Variants in AMPD1 observed in about 807,000 individuals in gnomAD.
The protein encoded by AMPD1 is adenosine monophosphate deaminase 1.
A neutral mutation model predicts 82.9 loss-of-function variants in AMPD1; 74 were observed. The ratio of observed to expected loss-of-function variants is 0.89; its 90% CI spans 0.74 to 1.08. The LOEUF is 1.08. AMPD1 is among the 50% of genes least tolerant of loss of function. The probability of loss-of-function intolerance (pLI) is 0.00; values close to 1 mark genes in which losing one functional copy is unlikely to be tolerated. For missense variants in AMPD1, 881 were observed against 924.5 expected (o/e 0.95, Z 0.61); for synonymous variants, 333 against 320.5 (o/e 1.04, Z -0.42).
intron 2 of AMPD1, 51 bp from the exon 3 acceptor site, chr1:114,688,792 C>T (rs2101724291): frequency 4.4e-6 from 7 of 1,598,206 alleles, no homozygotes; most frequent in Non-Finnish European, 6.0e-6. Flanking sequence ...CAAAAGTCAG[C>T]TGAGAGTTTC....
At chr1:114,695,302 A>G in intron 1 of AMPD1, 148 bp downstream of exon 1, 2 of 1,246,454 alleles carry the variant, frequency 1.6e-6, no homozygotes, top group South Asian at 2.7e-5. Context: ...CCTTGAAAAT[A>G]TTTTGTGTTT....
At chr1:114,687,280 G>C (rs1041852195) in intron 3 of AMPD1, among the ~76,000 whole-genome samples, 1 of 152,134 alleles carries the variant, frequency 6.6e-6, no homozygotes, top group East Asian at 1.9e-4. Flanking sequence ...ATGGATAAAG[G>C]AGCTCCCATC....
Position 114,693,500 on chromosome 1 carries a change from C to A in AMPD1, c.23-53G>T. On this transcript the variant is annotated intron_variant, in intron 1 of 15. Coordinates refer to ENST00000520113, the MANE Select transcript of AMPD1 (RefSeq NM_000036.3). ...AAATATGTGAACAACTTTCTGTAAT[C>A]ATGGTGGCTATTAATCACTGCTTTG... 2.0e-6 allele frequency: 3 copies of A among 1,525,538 alleles called. No individual in the cohort carries two copies. Among genetic ancestry groups the A allele is most frequent in the South Asian group, 2.2e-5 (2 of 89,380 alleles). 94.5% of individuals were successfully genotyped at this position (1,525,538 alleles called of 1,614,324 possible).
intron 4 of AMPD1, among the ~76,000 whole-genome samples, chr1:114,685,957 T>C (rs996166543): frequency 2.6e-5 from 4 of 152,130 alleles, no homozygotes; most frequent in African/African-American, 7.2e-5. Flanking sequence ...CCAGCACTGG[T>C]CATTAAAACT....
In AMPD1 at chr1:114,674,067, A is replaced by G. The variant is rs1489120833; in HGVS notation, c.1816T>C (p.Tyr606His). ...LNLKKSPVLQ[Y>H]LFFLAQIPIA... ...GGAATTTGGGCTAAGAAAAACAAGT[A>G]CTGTAGCACGGGACTCTGAAAAAGA... The change falls in exon 14 of 16, where the codon TAC (tyrosine) becomes CAC (histidine). Residue 606 changes from tyrosine (Y) to histidine (H), a missense_variant. By Grantham distance (83) the Tyr-to-His change is moderately conservative. This residue lies in a region of AMPD1 where 783 missense variants were observed against 786.4 expected (regional missense o/e 1.00). Coordinates refer to ENST00000520113, the MANE Select transcript of AMPD1 (RefSeq NM_000036.3). 3.1e-6 allele frequency: 5 copies of G among 1,613,794 alleles called. No individual in the cohort carries two copies. Among genetic ancestry groups the G allele is most frequent in the Non-Finnish European group, 3.4e-6 (4 of 1,179,792 alleles).
At chr1:114,684,111 T>C in intron 5 of AMPD1, 88 bp downstream of exon 5, 1 of 1,363,406 alleles carries the variant, frequency 7.3e-7, no homozygotes, top group African/African-American at 1.5e-5. Context: ...TTAGACTGGA[T>C]TACTTATAAT....
chr1:114,677,227 G>T, intron 10 of AMPD1, 124 bp downstream of exon 10: 1 of 1,332,260 alleles, frequency 7.5e-7, no homozygotes, highest in Non-Finnish European at 1.1e-6. Flanking sequence ...GGACCCGATA[G>T]TGAATGCTGT....
intron 2 of AMPD1, among the ~76,000 whole-genome samples, chr1:114,692,249 G>A (rs1658536751): frequency 6.6e-6 from 1 of 152,116 alleles, no homozygotes; most frequent in East Asian, 1.9e-4. Context: ...TTAATGTGTA[G>A]GAAAGACAAG....
intron 1 of AMPD1, among the ~76,000 whole-genome samples, chr1:114,693,959 T>C (rs1399020955): frequency 6.6e-6 from 1 of 152,136 alleles, no homozygotes; most frequent in Non-Finnish European, 1.5e-5. Flanking sequence ...CCTGGTACTA[T>C]GGGAGGCCGA....
Position 114,675,610 on chromosome 1 carries a change from C to T in AMPD1, c.1599G>A (p.Trp533Ter). The T allele has an allele frequency of 6.2e-7, 1 of 1,614,170 alleles. No homozygotes were observed. Among genetic ancestry groups the T allele is most frequent in the Non-Finnish European group, 8.5e-7 (1 of 1,180,002 alleles). The part of the protein sequence containing the change: ...FSSKSPKPQE[W>*]TLEKNPSYTY... ...TGTAAGATGGATTCTTTTCCAATGT[C>T]CACTCCTGGGGCTTGGGACTCTTGG... Residue 533 changes from tryptophan (W) to a stop codon, truncating the protein, a stop_gained, in exon 12 of 16, where the codon TGG (tryptophan) becomes TGA (stop). Transcript: ENST00000520113. LOFTEE classifies it high-confidence loss of function.
rs146803602 is a variant in AMPD1 at position 114,688,819 on chromosome 1, T to C, written c.35-78A>G. On this transcript the variant is annotated intron_variant, in intron 2 of 15. Transcript: ENST00000520113. ...GAGAGTTTCTGCTATGTGTAAGGCATGGGACAAGGACTGTGCTGCGTGCAT... is the reference window on the plus strand; with the variant it reads ...GAGAGTTTCTGCTATGTGTAAGGCACGGGACAAGGACTGTGCTGCGTGCAT... 6.6e-6 allele frequency: 10 copies of C among 1,521,230 alleles called. No homozygotes were observed. In the African/African-American group the frequency reaches 1.1e-4, roughly 17 times the overall value. The allele number at this position is 1,521,230 out of a possible 1,614,324, so 94.2% of individuals were successfully genotyped here.
At chr1:114,675,303 C>G (rs1004307234) in intron 12 of AMPD1, among the ~76,000 whole-genome samples, 1 of 151,776 alleles carries the variant, frequency 6.6e-6, no homozygotes, top group Non-Finnish European at 1.5e-5. Context: ...AATTCCTAAA[C>G]TTCCCAAAAA....
In AMPD1 at chr1:114,677,951, C is replaced by T. The variant is rs547706415; in HGVS notation, c.1183G>A (p.Asp395Asn). ...AAATATTCCCCATTAATGTAATTGT[C>T]TGTCTTCAAGTAGAGGTCCCGTAGC... is the stretch of plus-strand genomic sequence containing the variant. ...SELRDLYLKT[D>N]NYINGEYFAT... The change falls in exon 9 of 16, where the codon GAC becomes AAC. Residue 395 changes from aspartate to asparagine, a missense_variant. By Grantham distance (23) the Asp-to-Asn change is conservative. Around this residue, in one of 2 missense-constraint regions of AMPD1, gnomAD observed 783 missense variants for 786.4 expected, o/e 1.00. Transcript: ENST00000520113. 17 of 1,613,926 alleles carry T rather than the reference C, an allele frequency of 1.1e-5. No homozygotes were observed. Among genetic ancestry groups the T allele is most frequent in the South Asian group, 9.9e-5 (9 of 91,076 alleles).
At chr1:114,690,193 C>A (rs1658472238) in intron 2 of AMPD1, among the ~76,000 whole-genome samples, 1 of 152,220 alleles carries the variant, frequency 6.6e-6, no homozygotes, top group Non-Finnish European at 1.5e-5. Context: ...CCTCCTACAT[C>A]TTCCTCTATT....
chr1:114,684,465 G>A (rs1396749190), intron 4 of AMPD1, 101 bp from the exon 5 acceptor site: 11 of 1,272,232 alleles, frequency 8.6e-6, no homozygotes, highest in African/African-American at 1.5e-5. Flanking sequence ...CCTGTGTATC[G>A]CAGCCCATTC....
At position 114,678,037 on chromosome 1, in the gene AMPD1, C is replaced by G; in HGVS notation, c.1097G>C (p.Arg366Pro). 1 of 1,613,836 alleles carries G rather than the reference C, an allele frequency of 6.2e-7. No homozygotes were observed. The change falls in exon 9 of 16, where the codon CGC becomes CCC. Residue 366 changes from arginine (R) to proline (P), a missense_variant. Coordinates refer to ENST00000520113, the MANE Select transcript of AMPD1 (RefSeq NM_000036.3). The part of the protein sequence containing the change: ...TVDSLDVHAG[R>P]QTFQRFDKFN... ...CTTATCAAAACGCTGGAAGGTCTGG[C>G]GTCCCTGAATCAGGAAAAAAGAGCA...
rs746300631 is a variant in AMPD1, at chr1:114,684,281, A to T, written c.465T>A (p.Phe155Leu). 2 of 1,614,070 alleles carry T rather than the reference A, an allele frequency of 1.2e-6. No homozygotes were observed. Among genetic ancestry groups the T allele is most frequent in the African/African-American group, 2.7e-5 (2 of 74,922 alleles). The change falls in exon 5 of 16, where the codon TTT becomes TTA. Residue 155 changes from phenylalanine (F) to leucine (L), a missense_variant. Phe to Leu is a conservative substitution (Grantham distance 22). This residue lies in a region of AMPD1 where 783 missense variants were observed against 786.4 expected (regional missense o/e 1.00). Transcript: ENST00000520113. Reference sequence around the variant, plus strand: ...TGGAAGGGGTTTTAGGGAACCTCTGAAACGACTTCTGCATGTATTTCTCAC... The same window carrying T: ...TGGAAGGGGTTTTAGGGAACCTCTGTAACGACTTCTGCATGTATTTCTCAC... ...CIREKYMQKS[F>L]QRFPKTPSKY...
chr1:114,673,517 T>A, intron 15 of AMPD1, 122 bp downstream of exon 15: 1 of 921,666 alleles, frequency 1.1e-6, no homozygotes, highest in East Asian at 2.5e-5. Flanking sequence ...CTAGTCCCTG[T>A]CCATAGTAAC....
chr1:114,685,877 T>G (rs1658303089), intron 4 of AMPD1, among the ~76,000 whole-genome samples: 1 of 152,198 alleles, frequency 6.6e-6, no homozygotes, highest in Non-Finnish European at 1.5e-5. Context: ...ATGAGGTGCA[T>G]TTAATTGCCT....
Sources: gnomAD v4.1 joint callset for allele counts (sites outside exome capture counted in the v4.1 genomes callset) on GRCh38, gnomAD v4.1.1 for gene constraint, gnomAD v4.1.1 regional missense constraint, MANE v1.5 for transcripts, NCBI Gene and HGNC (gene_info 2026-07-23, HGNC 2026-07-21) for gene names.